MVP: variants seen among roughly 807,000 people sequenced by gnomAD.
MVP encodes major vault protein.
MVP carries 62 observed loss-of-function variants against 83.5 expected under a neutral mutation model. That is an observed-to-expected ratio of 0.74 (90% confidence interval 0.61 to 0.92). MVP has a LOEUF of 0.92. Among genes scored for constraint, MVP ranks in the 40% least tolerant of loss-of-function variants. MVP has a pLI of 0.00. For synonymous variants in MVP, 505 were observed against 504.1 expected, an observed-to-expected ratio of 1.00 and a Z score of -0.02; for missense variants, 1,000 against 1,203.4, an observed-to-expected ratio of 0.83 and a Z score of 2.50.
intron 1 of MVP, among the ~76,000 whole-genome samples, chr16:29,828,416 G>A (rs1487112843): frequency 6.6e-6 from 1 of 151,862 alleles, no homozygotes; most frequent in Non-Finnish European, 1.5e-5. Flanking sequence ...GTCTCGCTCT[G>A]TTGCCCAGGC....
intron 5 of MVP, chr16:29,835,108 C>T (rs1382721471): frequency 6.6e-6 from 1 of 152,188 alleles, no homozygotes; most frequent in Non-Finnish European, 1.5e-5. Context: ...TCCAGGCACT[C>T]TGGCTTCTCC....
rs769261074 is a variant in MVP, at chr16:29,833,915, C to G, written c.446-20C>G. The G allele has an allele frequency of 1.2e-6, 2 of 1,614,132 alleles. No homozygotes were observed. Among genetic ancestry groups the G allele is most frequent in the Non-Finnish European group, 1.7e-6 (2 of 1,180,028 alleles). Reference sequence around the variant, plus strand: ...CTGTCATAGCCCTGATACCTTCTGACCATCACCTTCCCTCCCCAGGCACGT... The same window carrying G: ...CTGTCATAGCCCTGATACCTTCTGAGCATCACCTTCCCTCCCCAGGCACGT... On this transcript the variant is annotated intron_variant, in intron 4 of 14. Transcript: ENST00000357402.
intron 1 of MVP, among the ~76,000 whole-genome samples, chr16:29,824,149 G>A (rs2067387653): frequency 7.3e-6 from 1 of 137,212 alleles, no homozygotes; most frequent in Non-Finnish European, 1.5e-5. Context: ...TCGGGAGGCA[G>A]AGGTTGCAGT....
At chr16:29,828,183 A>T (rs1360464884) in intron 1 of MVP, among the ~76,000 whole-genome samples, 1 of 151,708 alleles carries the variant, frequency 6.6e-6, no homozygotes, top group Non-Finnish European at 1.5e-5. Flanking sequence ...CTGGTCTCAA[A>T]CTCCTGACCT....
chr16:29,837,373 C>CT (rs1365021383), intron 7 of MVP, among the ~76,000 whole-genome samples: 6 of 152,234 alleles, frequency 3.9e-5, no homozygotes, highest in Admixed American at 2.6e-4. Context: ...CAGCATGTGA[C>CT]TGTCCTGAAT....
At position 29,841,477 on chromosome 16, in the gene MVP, GAGA is replaced by G; in HGVS notation, c.1192-116_1192-114del. On this transcript the variant is annotated intron_variant, in intron 8 of 14. Coordinates refer to ENST00000357402, the MANE Select transcript of MVP (RefSeq NM_005115.5). The surrounding 1 kb of genome is among the most constrained non-coding windows in gnomAD (Gnocchi z 4.7). ...CGGGGTGGAGCCTGGCCTCCCCGTA[GAGA>G]AGGTGTTTAACCTCGTGGCGCGCCT... 2 of 1,330,586 alleles carry G rather than the reference GAGA, an allele frequency of 1.5e-6. No individual in the cohort carries two copies. Among genetic ancestry groups the G allele is most frequent in the African/African-American group, 1.5e-5 (1 of 68,250 alleles). 82.4% of individuals were successfully genotyped at this position (1,330,586 alleles called of 1,614,324 possible).
chr16:29,830,713 T>A, intron 2 of MVP, 39 bp downstream of exon 2: 1 of 1,607,904 alleles, frequency 6.2e-7, no homozygotes, highest in Non-Finnish European at 8.5e-7. Context: ...TCCTTGGGGA[T>A]GTGGGGGCCT....
chr16:29,832,596 C>CTT (rs1177021376), intron 3 of MVP, among the ~76,000 whole-genome samples: 68 of 122,798 alleles, frequency 5.5e-4, no homozygotes, highest in Admixed American at 1.2e-3. Flanking sequence ...CGCGCCTGGC[C>CTT]TTTTTTTTTT....
chr16:29,836,501 T>C (rs1596919561), intron 6 of MVP, among the ~76,000 whole-genome samples: 1 of 151,044 alleles, frequency 6.6e-6, no homozygotes, highest in Admixed American at 6.6e-5. Context: ...CGCTTGAACC[T>C]AGGAGGCGGA....
rs146114293 is a variant in MVP at position 29,831,002 on chromosome 16, C to T, written c.250C>T (p.Arg84Cys). Reference sequence around the variant, plus strand: ...TGATGTCACAGGGCAAGTTCGGCTTCGCCACGCTGACCTCGAGATCCGGCT... The same window carrying T: ...TGATGTCACAGGGCAAGTTCGGCTTTGCCACGCTGACCTCGAGATCCGGCT... The part of the protein sequence containing the change: ...LFDVTGQVRL[R>C]HADLEIRLAQ... The change falls in exon 3 of 15, where the codon CGC (arginine) becomes TGC (cysteine). Residue 84 changes from arginine to cysteine, a missense_variant. Physicochemically the swap from Arg to Cys is radical, Grantham distance 180 (BLOSUM62 -3). Coordinates refer to ENST00000357402, the MANE Select transcript of MVP (RefSeq NM_005115.5). 359 of 1,613,984 alleles carry T rather than the reference C, an allele frequency of 2.2e-4. No homozygotes were observed. Among genetic ancestry groups the T allele is most frequent in the Middle Eastern group, 1.6e-3 (10 of 6,062 alleles).
chr16:29,839,162 T>C (rs965008303), intron 7 of MVP, among the ~76,000 whole-genome samples: 5 of 152,150 alleles, frequency 3.3e-5, no homozygotes, highest in African/African-American at 1.2e-4. Flanking sequence ...CACTCCAGCC[T>C]GGGCTGCTGA....
Position 29,841,958 on chromosome 16 carries a change from C to A in MVP, c.1480C>A (p.Gln494Lys). ...PELVSLGPEE[Q>K]FTVLSLSAGR... ...GCTGGTGTCGCTGGGTCCTGAGGAG[C>A]AGTTCACAGTGTTGTCCCTCTCAGC... Residue 494 changes from glutamine (Q) to lysine (K), a missense_variant, in exon 10 of 15, where the codon CAG becomes AAG. Gln to Lys is a moderately conservative substitution (Grantham distance 53). Transcript: ENST00000357402. This position sits in a 1 kb window ranked among gnomAD's most constrained non-coding sequence, Gnocchi z 4.7. The A allele has an allele frequency of 1.2e-6, 2 of 1,612,894 alleles. No homozygotes were observed. The highest frequency in any genetic ancestry group is 1.7e-6 in the Non-Finnish European group (2 of 1,180,026).
intron 10 of MVP, among the ~76,000 whole-genome samples, chr16:29,842,491 G>C (rs549048284): frequency 3.3e-5 from 5 of 152,168 alleles, no homozygotes; most frequent in Admixed American, 3.3e-4. Context: ...TTTTAGTAGA[G>C]ATGGGGTTTC....
rs374182340 is a variant in MVP, at chr16:29,830,897, C to T, written c.145C>T (p.Arg49Cys). Residue 49 changes from arginine (R) to cysteine (C), a missense_variant, in exon 3 of 15, where the codon CGC becomes TGC. Physicochemically the swap from Arg to Cys is radical, Grantham distance 180. Transcript: ENST00000357402. ...DNERVLFAPM[R>C]MVTVPPRHYC... The stretch of plus-strand genomic sequence containing the variant: ...CTGCAGGGTACTGTTTGCCCCCATG[C>T]GCATGGTGACCGTCCCCCCACGTCA... 120 of 1,612,762 alleles carry T rather than the reference C, an allele frequency of 7.4e-5. No individual in the cohort carries two copies. Among genetic ancestry groups the T allele is most frequent in the Non-Finnish European group, 9.4e-5 (111 of 1,179,102 alleles).
At chr16:29,838,913 G>A (rs1169950899) in intron 7 of MVP, among the ~76,000 whole-genome samples, 6 of 152,164 alleles carry the variant, frequency 3.9e-5, no homozygotes, top group African/African-American at 9.7e-5. Flanking sequence ...CCAGCTGGAC[G>A]CAGTGGCTCA....
In MVP at chr16:29,844,898, T is replaced by C; in HGVS notation, c.2021+19T>C. 1 of 1,586,814 alleles carries C rather than the reference T, an allele frequency of 6.3e-7. No homozygotes were observed. ...CGGCCAAGTAAGTGAGGCTGGGAGCTCGGCTGCCTATAATGCCCATGGCAG... is the reference window on the plus strand; with the variant it reads ...CGGCCAAGTAAGTGAGGCTGGGAGCCCGGCTGCCTATAATGCCCATGGCAG... On this transcript the variant is annotated intron_variant, in intron 11 of 14. Coordinates refer to ENST00000357402, the MANE Select transcript of MVP (RefSeq NM_005115.5).
chr16:29,824,609 T>G (rs1468205655), intron 1 of MVP, among the ~76,000 whole-genome samples: 1 of 152,084 alleles, frequency 6.6e-6, no homozygotes, highest in African/African-American at 2.4e-5. Context: ...ATACAAAAAA[T>G]TAGCCAGGCT....
rs541098502 is a variant in MVP, at chr16:29,843,622, C to G, written c.1635-871C>G. ...GGAGGGAGGGTCAGGCGTGGTGGCT[C>G]ATGCCTGTAATCACAGCACTTTGGG... On this transcript the variant is annotated intron_variant, in intron 10 of 14. Coordinates refer to ENST00000357402, the MANE Select transcript of MVP (RefSeq NM_005115.5). 5.3e-4 allele frequency among the ~76,000 whole-genome samples: 65 copies of G among 122,840 alleles called. 1 individual carries two copies. Among genetic ancestry groups the G allele is most frequent in the African/African-American group, 2.0e-3 (59 of 29,348 alleles). The allele number at this position is 122,840 out of a possible 152,430, so 80.6% of individuals were successfully genotyped here. A position where few individuals can be genotyped will look rare whatever the true frequency, so the allele number is the denominator to read the frequency against.
At chr16:29,843,831 C>T (rs1005160991) in intron 10 of MVP, among the ~76,000 whole-genome samples, 1 of 151,950 alleles carries the variant, frequency 6.6e-6, no homozygotes, top group Non-Finnish European at 1.5e-5. Context: ...ATCCGGGAGG[C>T]GGAGGTTGCA....
Sources: gnomAD v4.1 joint callset for allele counts (sites outside exome capture counted in the v4.1 genomes callset) on GRCh38, gnomAD v4.1.1 for gene constraint, Gnocchi (gnomAD v3.1) non-coding constraint, MANE v1.5 for transcripts, NCBI Gene and HGNC (gene_info 2026-07-23, HGNC 2026-07-21) for gene names.